Variants in FAM171A1 observed in about 807,000 individuals in gnomAD.
The protein encoded by FAM171A1 is protein FAM171A1.
FAM171A1 carries 23 observed loss-of-function variants against 74.9 expected under a neutral mutation model. The observed-to-expected ratio is 0.31, with a 90% CI of 0.22 to 0.44. FAM171A1 has a LOEUF of 0.44. FAM171A1 is among the 20% of genes least tolerant of loss of function. FAM171A1 has a pLI of 1.00. For synonymous variants in FAM171A1, 527 were observed against 505.7 expected (o/e 1.04, Z -0.57); for missense variants, 1,162 against 1,159.2 (o/e 1.00, Z -0.03).
At chr10:15,317,614 C>G (rs1835438451) in intron 1 of FAM171A1, among the ~76,000 whole-genome samples, 1 of 151,942 alleles carries the variant, frequency 6.6e-6, no homozygotes, top group Non-Finnish European at 1.5e-5. Context: ...AGGCTGGTCT[C>G]AAACTCCTGA....
chr10:15,294,773 A>G (rs1174106174), intron 1 of FAM171A1, among the ~76,000 whole-genome samples: 1 of 152,220 alleles, frequency 6.6e-6, no homozygotes, highest in Non-Finnish European at 1.5e-5. Context: ...GGCTCCTCTA[A>G]GTAGCGAGTT....
At chr10:15,217,228 C>T (rs1210353526) in intron 6 of FAM171A1, among the ~76,000 whole-genome samples, 2 of 152,146 alleles carry the variant, frequency 1.3e-5, no homozygotes, top group Admixed American at 6.6e-5. Context: ...AACAGATCAG[C>T]GACAACAAAA....
chr10:15,323,831 T>A (rs1388198710), intron 1 of FAM171A1, among the ~76,000 whole-genome samples: 1 of 151,846 alleles, frequency 6.6e-6, no homozygotes, highest in Non-Finnish European at 1.5e-5. Flanking sequence ...CAGTGCCTAG[T>A]CTACTTTCAA....
At chr10:15,342,551 G>C (rs1346096511) in intron 1 of FAM171A1, among the ~76,000 whole-genome samples, 1 of 152,168 alleles carries the variant, frequency 6.6e-6, no homozygotes, top group Non-Finnish European at 1.5e-5. Flanking sequence ...CTGGGCGACA[G>C]AGCGAGCCTC....
intron 1 of FAM171A1, among the ~76,000 whole-genome samples, chr10:15,364,022 T>A (rs1176597215): frequency 1.2e-5 from 1 of 82,022 alleles, no homozygotes; most frequent in South Asian, 4.5e-4. Context: ...GGAGGACAAC[T>A]GGGAGGCCAT....
chr10:15,267,495 C>T (rs1834760885), intron 3 of FAM171A1, among the ~76,000 whole-genome samples: 1 of 149,752 alleles, frequency 6.7e-6, no homozygotes, highest in African/African-American at 2.5e-5. Flanking sequence ...CCCAGCTACT[C>T]AGCAGGCTAA....
intron 1 of FAM171A1, among the ~76,000 whole-genome samples, chr10:15,302,523 A>C (rs1048697063): frequency 1.4e-5 from 2 of 147,686 alleles, no homozygotes; most frequent in South Asian, 2.1e-4. Context: ...AAAAAAAAAA[A>C]CCAAAAGAAA....
At position 15,259,145 on chromosome 10, in the gene FAM171A1, G is replaced by C. The variant is rs369833745; in HGVS notation, c.419-4266C>G. Among the ~76,000 whole-genome samples the C allele has an allele frequency of 7.0e-4, 106 of 152,168 alleles. 2 individuals carry two copies. The highest frequency in any genetic ancestry group is 2.3e-3 in the African/African-American group (97 of 41,488). On this transcript the variant is annotated intron_variant, in intron 3 of 7. Coordinates refer to ENST00000378116, the MANE Select transcript of FAM171A1 (RefSeq NM_001010924.2). ...CATTCTCCCTATCTATCATCCTCAA[G>C]TGCCATCATTCTCCCTATCTATCAT... is the stretch of plus-strand genomic sequence containing the variant.
At chr10:15,225,553 G>A (rs183982393) in intron 5 of FAM171A1, among the ~76,000 whole-genome samples, 14 of 152,294 alleles carry the variant, frequency 9.2e-5, no homozygotes, top group South Asian at 4.1e-4. Flanking sequence ...TTCTCATGGC[G>A]GAATCCTGAT....
rs536599237 is a variant in FAM171A1 at position 15,286,435 on chromosome 10, G to A, written c.98-2330C>T. ...AGCTGGGATTACAGGTGCCCGCCAC[G>A]ATGCCCCACTAATTTTTTGCACTTT... On this transcript the variant is annotated intron_variant, in intron 1 of 7. Coordinates refer to ENST00000378116, the MANE Select transcript of FAM171A1 (RefSeq NM_001010924.2). Among the ~76,000 whole-genome samples, 5 of 151,952 alleles carry A rather than the reference G, an allele frequency of 3.3e-5. No individual in the cohort carries two copies. The South Asian group carries it at 8.3e-4, about 25-fold the overall frequency.
At chr10:15,303,150 C>A (rs140544950) in intron 1 of FAM171A1, among the ~76,000 whole-genome samples, 3 of 152,084 alleles carry the variant, frequency 2.0e-5, no homozygotes, top group African/African-American at 7.2e-5. Flanking sequence ...GATCGTGCCA[C>A]TGCACTCCAG....
At chr10:15,246,904 GC>G (rs1166260307) in intron 5 of FAM171A1, among the ~76,000 whole-genome samples, 1 of 152,234 alleles carries the variant, frequency 6.6e-6, no homozygotes, top group Non-Finnish European at 1.5e-5. Flanking sequence ...AAGACCCTCA[GC>G]CCGAGCACAT....
rs573230230 is a variant in FAM171A1 at position 15,369,505 on chromosome 10, C to T, written c.97+1451G>A. Among the ~76,000 whole-genome samples the T allele has an allele frequency of 3.3e-5, 5 of 152,244 alleles. No individual in the cohort carries two copies. In the South Asian group the frequency reaches 6.2e-4, roughly 19 times the overall value. ...GGTCTTTTTGTATTTTGTAGCTGTC[C>T]GCTCTTCCATGATATGCATTACTAA... On this transcript the variant is annotated intron_variant, in intron 1 of 7. Transcript: ENST00000378116.
In FAM171A1 at chr10:15,212,625, C is replaced by T. The variant is rs1833904125; in HGVS notation, c.*290G>A. The stretch of plus-strand genomic sequence containing the variant: ...CGTTAGAGCATAGCGACATCACGTG[C>T]GGTTTCTTAATGTCCCTGGTGGCGG... On this transcript the variant is annotated 3_prime_UTR_variant, in exon 8 of 8. Transcript: ENST00000378116. 1.1e-5 allele frequency: 5 copies of T among 449,834 alleles called. No homozygotes were observed. The highest frequency in any genetic ancestry group is 2.0e-5 in the Non-Finnish European group (5 of 251,460). The allele number at this position is 449,834 out of a possible 1,614,324, so 27.9% of individuals were successfully genotyped here. A position where few individuals can be genotyped will look rare whatever the true frequency, so the allele number is the denominator to read the frequency against.
Position 15,214,403 on chromosome 10 carries a change from A to G in FAM171A1, c.1185T>C (p.Ser395=). Residue 395 remains serine (S), a synonymous_variant, in exon 8 of 8, where the codon AGT becomes AGC. Transcript: ENST00000378116. ...GAGACATCATTTCCAAATGGACTCC[A>G]CTCATCAGTTCCTTCGTGCCGGGGG... is the stretch of plus-strand genomic sequence containing the variant. ...PEAPGTKELM[S]GVHLEMMSPG... is the part of the protein sequence containing the mutation. The G allele has an allele frequency of 1.9e-6, 3 of 1,614,034 alleles. No homozygotes were observed. Among genetic ancestry groups the G allele is most frequent in the Non-Finnish European group, 2.5e-6 (3 of 1,179,984 alleles).
upstream of FAM171A1, among the ~76,000 whole-genome samples, chr10:15,371,345 C>G (rs1264726449): frequency 2.1e-5 from 3 of 146,204 alleles, no homozygotes; most frequent in Non-Finnish European, 3.0e-5. Context: ...AGGCCCCGGG[C>G]CCGTGGTGCC....
intron 1 of FAM171A1, among the ~76,000 whole-genome samples, chr10:15,349,631 G>C (rs1213040861): frequency 2.6e-5 from 4 of 152,228 alleles, no homozygotes. Context: ...AGGATGTTCG[G>C]CATCAGCTTC....
At chr10:15,283,078 T>C (rs182641673) in intron 2 of FAM171A1, among the ~76,000 whole-genome samples, 31 of 152,314 alleles carry the variant, frequency 2.0e-4, no homozygotes, top group African/African-American at 7.0e-4. Context: ...CACCCATTCC[T>C]CTCCTCCCAT....
intron 3 of FAM171A1, among the ~76,000 whole-genome samples, chr10:15,268,675 T>C (rs571971923): frequency 6.6e-6 from 1 of 151,984 alleles, no homozygotes; most frequent in Non-Finnish European, 1.5e-5. Context: ...CTAGATGAGA[T>C]GTTTAGGACC....
Sources: allele counts gnomAD v4.1 joint callset (sites outside exome capture counted in the v4.1 genomes callset), GRCh38; gene constraint gnomAD v4.1.1; transcripts MANE v1.5; gene names NCBI Gene and HGNC (gene_info 2026-07-23, HGNC 2026-07-21).